Variants in CHODL observed in about 807,000 individuals in gnomAD.
The protein encoded by CHODL is transmembrane protein MT75.
In CHODL, 29 loss-of-function variants were observed where a neutral mutation model predicts 34.5. The ratio of observed to expected loss-of-function variants is 0.84; its 90% CI spans 0.63 to 1.15. The LOEUF is 1.15. Ranked by LOEUF, CHODL falls within the 50% of genes most tolerant of loss-of-function variation. CHODL has a pLI of 0.00. For synonymous variants in CHODL, 125 were observed against 116.1 expected, an observed-to-expected ratio of 1.08 and a Z score of -0.49; for missense variants, 332 against 332.5, an observed-to-expected ratio of 1.00 and a Z score of 0.01.
In CHODL at chr21:18,021,961, C is replaced by A. The variant is rs143683845; in HGVS notation, c.-144-5911C>A. Among the ~76,000 whole-genome samples the A allele has an allele frequency of 1.5e-3, 221 of 152,200 alleles. 1 individual carries two copies. The highest frequency in any genetic ancestry group is 4.9e-3 in the African/African-American group (203 of 41,536). ...AACATGATGTTACTTAGAGGTGAGG[C>A]CTTTGGGAGGCAATTAGGTTTAGGG... is the stretch of plus-strand genomic sequence containing the variant. On this transcript the variant is annotated intron_variant, in intron 1 of 6. Transcript: ENST00000400127.
chr21:18,131,567 T>G (rs1279810107), intron 2 of CHODL, among the ~76,000 whole-genome samples: 2 of 152,218 alleles, frequency 1.3e-5, no homozygotes, highest in Non-Finnish European at 2.9e-5. Flanking sequence ...ATTTTCATCC[T>G]GTAATTTAAG....
chr21:18,257,971 G>A (rs1568961718), intron 3 of CHODL, among the ~76,000 whole-genome samples: 1 of 152,064 alleles, frequency 6.6e-6, no homozygotes, highest in South Asian at 2.1e-4. Flanking sequence ...CCTCCTCAGT[G>A]TTTGGAAGTG....
chr21:18,090,508 T>TA (rs777625543), intron 2 of CHODL, among the ~76,000 whole-genome samples: 15 of 152,026 alleles, frequency 9.9e-5, no homozygotes, highest in Non-Finnish European at 1.6e-4. Context: ...GAAGATAACT[T>TA]AAAAAATATT....
intron 1 of CHODL, among the ~76,000 whole-genome samples, chr21:17,969,900 G>T (rs999421550): frequency 6.6e-6 from 1 of 152,100 alleles, no homozygotes; most frequent in African/African-American, 2.4e-5. Flanking sequence ...CTTACTGAAT[G>T]GGGGAACCAT....
At chr21:18,135,880 G>A (rs367834985) in intron 2 of CHODL, among the ~76,000 whole-genome samples, 2 of 152,052 alleles carry the variant, frequency 1.3e-5, no homozygotes, top group African/African-American at 4.8e-5. Flanking sequence ...AGGCCAAGGC[G>A]GATGGATCAT....
intron 2 of CHODL, among the ~76,000 whole-genome samples, chr21:18,194,699 G>A (rs1194918216): frequency 6.6e-6 from 1 of 151,542 alleles, no homozygotes; most frequent in Non-Finnish European, 1.5e-5. Flanking sequence ...GGTATACATT[G>A]AAATAGTTAA....
At chr21:18,161,201 T>A (rs1333861656) in intron 2 of CHODL, among the ~76,000 whole-genome samples, 2 of 152,196 alleles carry the variant, frequency 1.3e-5, no homozygotes, top group Non-Finnish European at 2.9e-5. Context: ...GTAAATTTGT[T>A]TAAGTTCCTT....
chr21:17,994,274 G>A (rs2063826132), intron 1 of CHODL, among the ~76,000 whole-genome samples: 1 of 152,194 alleles, frequency 6.6e-6, no homozygotes, highest in Non-Finnish European at 1.5e-5. Context: ...CAGCATGCTT[G>A]GGTACAGGTG....
intron 2 of CHODL, among the ~76,000 whole-genome samples, chr21:18,063,599 T>G (rs913181023): frequency 2.6e-5 from 4 of 152,286 alleles, no homozygotes; most frequent in Non-Finnish European, 2.9e-5. Flanking sequence ...CTGCAACCAT[T>G]TTCAAATAAA....
chr21:18,121,434 A>G (rs2065478179), intron 2 of CHODL, among the ~76,000 whole-genome samples: 2 of 152,206 alleles, frequency 1.3e-5, no homozygotes, highest in African/African-American at 4.8e-5. Flanking sequence ...CTACAATTCC[A>G]GACTTATAGA....
chr21:18,012,024 A>G (rs1398929005), intron 1 of CHODL, among the ~76,000 whole-genome samples: 9 of 152,236 alleles, frequency 5.9e-5, no homozygotes, highest in Non-Finnish European at 1.2e-4. Flanking sequence ...TTTTTAAGTG[A>G]AAGTGATGTC....
At chr21:18,125,899 C>T (rs1158813969) in intron 2 of CHODL, among the ~76,000 whole-genome samples, 1 of 152,124 alleles carries the variant, frequency 6.6e-6, no homozygotes, top group Non-Finnish European at 1.5e-5. Flanking sequence ...GGATTCACTC[C>T]AATTTTGAAA....
At chr21:17,934,587 T>C (rs2146323799) in intron 1 of CHODL, among the ~76,000 whole-genome samples, 1 of 152,318 alleles carries the variant, frequency 6.6e-6, no homozygotes, top group South Asian at 2.1e-4. Flanking sequence ...TCTTAAAGTG[T>C]ATTATTTTTG....
intron 2 of CHODL, among the ~76,000 whole-genome samples, chr21:18,169,723 G>A (rs2073204410): frequency 6.6e-6 from 1 of 151,806 alleles, no homozygotes; most frequent in Admixed American, 6.6e-5. Flanking sequence ...TTTAAAATAC[G>A]ATTAAAATAT....
intron 2 of CHODL, among the ~76,000 whole-genome samples, chr21:18,209,420 C>G (rs2073749476): frequency 6.6e-6 from 1 of 152,174 alleles, no homozygotes; most frequent in Non-Finnish European, 1.5e-5. Flanking sequence ...CTCTTTGGGA[C>G]AGTGGGCTCC....
In CHODL at chr21:18,083,343, G is replaced by C. The variant is rs939717656; in HGVS notation, c.-45+55372G>C. 2.6e-5 allele frequency among the ~76,000 whole-genome samples: 4 copies of C among 152,362 alleles called. No individual in the cohort carries two copies. The East Asian group carries it at 7.7e-4, about 29-fold the overall frequency. On this transcript the variant is annotated intron_variant, in intron 2 of 6. Coordinates refer to the CHODL transcript ENST00000400127. The stretch of plus-strand genomic sequence containing the variant: ...GTCCAGGCAGAAGTCTACTGCAGGG[G>C]TAGAACCTTCATGGAGAGCCTCTGC...
chr21:18,163,438 T>C (rs1392385700), intron 2 of CHODL, among the ~76,000 whole-genome samples: 2 of 152,048 alleles, frequency 1.3e-5, no homozygotes, highest in Non-Finnish European at 2.9e-5. Flanking sequence ...TTCAATTGCC[T>C]TTTTTTTCCC....
intron 1 of CHODL, among the ~76,000 whole-genome samples, chr21:18,007,960 A>T (rs1225535739): frequency 6.6e-6 from 1 of 152,214 alleles, no homozygotes; most frequent in African/African-American, 2.4e-5. Flanking sequence ...TTCAAGGTCA[A>T]AATCCATGCA....
intron 2 of CHODL, among the ~76,000 whole-genome samples, chr21:18,135,889 A>G (rs372022961): frequency 1.1e-4 from 17 of 152,180 alleles, no homozygotes; most frequent in Middle Eastern, 3.4e-3. Flanking sequence ...CGGATGGATC[A>G]TGAGGTCAGG....
Sources: gnomAD v4.1 joint callset for allele counts (sites outside exome capture counted in the v4.1 genomes callset) on GRCh38, gnomAD v4.1.1 for gene constraint, MANE v1.5 for transcripts, NCBI Gene and HGNC (gene_info 2026-07-23, HGNC 2026-07-21) for gene names.